The following SH2B3 variants were observed in gnomAD, a reference collection of about 807,000 sequenced individuals.
SH2B3 encodes SH2B adaptor protein 3, also known as SH2B adapter protein 3.
A neutral mutation model predicts 51.9 loss-of-function variants in SH2B3; 43 were observed. The observed-to-expected ratio is 0.83, with a 90% CI of 0.65 to 1.07. The LOEUF is 1.07. SH2B3 is among the 50% of genes least tolerant of loss of function. The pLI is 0.00. For synonymous variants in SH2B3, 396 were observed against 376.0 expected, an observed-to-expected ratio of 1.05 and a Z score of -0.62; for missense variants, 952 against 834.3, an observed-to-expected ratio of 1.14 and a Z score of -1.74.
chr12:111,444,225 G>A (rs1873706377), intron 2 of SH2B3: 1 of 152,184 alleles, frequency 6.6e-6, no homozygotes, highest in African/African-American at 2.4e-5. Flanking sequence ...AAAAACCCTA[G>A]AGGATAAAAG....
Position 111,434,888 on chromosome 12 carries a change from G to T in SH2B3, c.733-11865G>T. The T allele has an allele frequency of 2.6e-6, 4 of 1,535,672 alleles. No individual in the cohort carries two copies. In the South Asian group the frequency reaches 4.8e-5, roughly 18 times the overall value. On this transcript the variant is annotated intron_variant, in intron 2 of 7. Coordinates refer to ENST00000341259, the MANE Select transcript of SH2B3 (RefSeq NM_005475.3). ...TAGTAATGAGAGTCCGTGCCGGGTGGAGCTCAGAAGGACATGGGATTCCCG... is the reference window on the plus strand; with the variant it reads ...TAGTAATGAGAGTCCGTGCCGGGTGTAGCTCAGAAGGACATGGGATTCCCG...
chr12:111,431,673 C>A (rs1872505453), intron 2 of SH2B3, among the ~76,000 whole-genome samples: 1 of 152,148 alleles, frequency 6.6e-6, no homozygotes, highest in African/African-American at 2.4e-5. Context: ...CCTCAACCTC[C>A]TGGGCTCAAG....
intron 2 of SH2B3, among the ~76,000 whole-genome samples, chr12:111,428,175 G>A (rs1346619347): frequency 2.0e-5 from 3 of 152,260 alleles, no homozygotes; most frequent in African/African-American, 7.2e-5. Flanking sequence ...CCGAGGCCTG[G>A]AGGGGGCTGG....
chr12:111,408,488 C>T (rs1302749938), intron 1 of SH2B3, among the ~76,000 whole-genome samples: 1 of 151,424 alleles, frequency 6.6e-6, no homozygotes, highest in South Asian at 2.1e-4. Flanking sequence ...TCAGATCCCA[C>T]AGGACTGCTG....
chr12:111,425,077 C>T (rs1316579076), intron 2 of SH2B3, among the ~76,000 whole-genome samples: 1 of 152,104 alleles, frequency 6.6e-6, no homozygotes, highest in Non-Finnish European at 1.5e-5. Flanking sequence ...TGGGCTCAGC[C>T]CACAGGTGAG....
At chr12:111,433,762 TTTTTGTTTTG>T (rs1043752706) in intron 2 of SH2B3, among the ~76,000 whole-genome samples, 5 of 152,066 alleles carry the variant, frequency 3.3e-5, no homozygotes, top group Admixed American at 2.0e-4. Context: ...GTGATGTGGT[TTTTTGTTTTG>T]TTTTGTTTTG....
intron 2 of SH2B3, among the ~76,000 whole-genome samples, chr12:111,428,527 C>T (rs924493050): frequency 6.6e-6 from 1 of 152,310 alleles, no homozygotes; most frequent in Admixed American, 6.5e-5. Context: ...ACTGATAGGG[C>T]AGGTGAGGGG....
rs1479468812 is a variant in SH2B3, at chr12:111,449,363, G to A, written c.*1061G>A. On this transcript the variant is annotated 3_prime_UTR_variant, in exon 8 of 8. Coordinates refer to ENST00000341259, the MANE Select transcript of SH2B3 (RefSeq NM_005475.3). ...GGCTTATTAAATTATCCCACAAGTG[G>A]GTTTTAGGCTCCTTTTTTGAGCCAA... 6.6e-6 allele frequency: 1 copy of A among 152,114 alleles called. No homozygotes were observed. Among genetic ancestry groups the A allele is most frequent in the African/African-American group, 2.4e-5 (1 of 41,404 alleles). 9.4% of individuals were successfully genotyped at this position (152,114 alleles called of 1,614,324 possible).
In SH2B3 at chr12:111,446,995, T is replaced by G; in HGVS notation, c.888T>G (p.Asn296Lys). Residue 296 changes from asparagine (N) to lysine (K), a missense_variant, in exon 4 of 8, where the codon AAT (asparagine) becomes AAG (lysine). By Grantham distance (94) the Asn-to-Lys change is moderately conservative. Coordinates refer to ENST00000341259, the MANE Select transcript of SH2B3 (RefSeq NM_005475.3). Reference protein sequence around the residue: ...IFEVGDEQQLNSWMAELSECT... With the variant: ...IFEVGDEQQLKSWMAELSECT... ...AGGTGGGAGACGAGCAGCAGCTGAA[T>G]TCATGGATGGCTGAGCTCTCGGAGT... 1 of 1,614,030 alleles carries G rather than the reference T, an allele frequency of 6.2e-7. No individual in the cohort carries two copies. The highest frequency in any genetic ancestry group is 2.2e-5 in the East Asian group (1 of 44,866).
chr12:111,418,531 C>T lies in SH2B3; in HGVS notation c.386C>T (p.Pro129Leu), dbSNP rs766405916. The change falls in exon 2 of 8, where the codon CCG becomes CTG. Residue 129 changes from proline (P) to leucine (L), a missense_variant. Coordinates refer to ENST00000341259, the MANE Select transcript of SH2B3 (RefSeq NM_005475.3). This position sits in a 1 kb window ranked among gnomAD's most constrained non-coding sequence, Gnocchi z 6.7. ...TCTGAGGAGCTGGCCCCGCCGCGGCCGCCCGGGCCCTGCTCCTTCCAGCAC... is the reference window on the plus strand; with the variant it reads ...TCTGAGGAGCTGGCCCCGCCGCGGCTGCCCGGGCCCTGCTCCTTCCAGCAC... ...RSSEELAPPR[P>L]PGPCSFQHFR... The T allele has an allele frequency of 3.6e-6, 5 of 1,407,074 alleles. No homozygotes were observed. Among genetic ancestry groups the T allele is most frequent in the South Asian group, 2.8e-5 (2 of 72,448 alleles). 87.2% of individuals were successfully genotyped at this position (1,407,074 alleles called of 1,614,324 possible).
At chr12:111,444,755 T>G (rs951770168) in intron 2 of SH2B3, 4 of 985,424 alleles carry the variant, frequency 4.1e-6, no homozygotes, top group Admixed American at 1.2e-4. Flanking sequence ...GAGCCTGAGC[T>G]GTCCAGGCTG....
Position 111,418,988 on chromosome 12 carries a change from G to C in SH2B3, c.732+111G>C. 2.8e-6 allele frequency: 3 copies of C among 1,060,602 alleles called. No individual in the cohort carries two copies. The highest frequency in any genetic ancestry group is 3.7e-6 in the Non-Finnish European group (3 of 801,616). 65.7% of individuals were successfully genotyped at this position (1,060,602 alleles called of 1,614,324 possible). A position where few individuals can be genotyped will look rare whatever the true frequency, so the allele number is the denominator to read the frequency against. ...TGGCTTTCCAGCTGGTGGCCACAGA[G>C]TGTCCAGAGGGAACTAGGCCCTCTT... On this transcript the variant is annotated intron_variant, in intron 2 of 7. Coordinates refer to ENST00000341259, the MANE Select transcript of SH2B3 (RefSeq NM_005475.3). This position sits in a 1 kb window ranked among gnomAD's most constrained non-coding sequence, Gnocchi z 6.7.
In SH2B3 at chr12:111,447,765, A is replaced by T; in HGVS notation, c.1346A>T (p.Glu449Val). 2 of 1,614,068 alleles carry T rather than the reference A, an allele frequency of 1.2e-6. No homozygotes were observed. The highest frequency in any genetic ancestry group is 1.7e-6 in the Non-Finnish European group (2 of 1,180,006). The part of the protein sequence containing the change: ...HHFQRSPIPL[E>V]CGAACDVRLS... The stretch of plus-strand genomic sequence containing the variant: ...TTCCAGCGCTCGCCCATCCCACTCG[A>T]GTGCGGCGCCGCCTGTGATGTCCGG... The change falls in exon 7 of 8, where the codon GAG (glutamate) becomes GTG (valine). Residue 449 changes from glutamate to valine, a missense_variant. By Grantham distance (121) the Glu-to-Val change is moderately radical (BLOSUM62 -2). Transcript: ENST00000341259.
At position 111,450,518 on chromosome 12, in the gene SH2B3, T is replaced by TA; in HGVS notation, c.*2219dup. 1 of 152,346 alleles carries TA rather than the reference T, an allele frequency of 6.6e-6. No homozygotes were observed. Among genetic ancestry groups the TA allele is most frequent in the African/African-American group, 2.4e-5 (1 of 41,568 alleles). 9.4% of individuals were successfully genotyped at this position (152,346 alleles called of 1,614,324 possible). A position where few individuals can be genotyped will look rare whatever the true frequency, so the allele number is the denominator to read the frequency against. On this transcript the variant is annotated 3_prime_UTR_variant, in exon 8 of 8. Coordinates refer to ENST00000341259, the MANE Select transcript of SH2B3 (RefSeq NM_005475.3). ...AAGTTCCCTCCCTCCAGCCAGAAGTTAAACATCTGGGATATGACGTCTTCA... is the reference window on the plus strand; with the variant it reads ...AAGTTCCCTCCCTCCAGCCAGAAGTTAAAACATCTGGGATATGACGTCTTCA...
Position 111,447,985 on chromosome 12 carries a change from T to C in SH2B3, c.1411T>C (p.Ser471Pro). Reference protein sequence around the residue: ...YVVVVSQPPGSCNTVLFPFSL... With the variant: ...YVVVVSQPPGPCNTVLFPFSL... ...TCTCTCTTGGTCACTTGTCCTAGGT[T>C]CCTGCAACACGGTCCTCTTCCCTTT... Residue 471 changes from serine to proline, a missense_variant and splice_region_variant, in exon 8 of 8, where the codon TCC (serine) becomes CCC (proline). By Grantham distance (74) the Ser-to-Pro change is moderately conservative. Transcript: ENST00000341259. The C allele has an allele frequency of 6.2e-7, 1 of 1,604,540 alleles. No individual in the cohort carries two copies. Among genetic ancestry groups the C allele is most frequent in the Non-Finnish European group, 8.5e-7 (1 of 1,174,008 alleles).
chr12:111,414,600 A>AG (rs1018358890), intron 1 of SH2B3, among the ~76,000 whole-genome samples: 1 of 152,022 alleles, frequency 6.6e-6, no homozygotes, highest in Non-Finnish European at 1.5e-5. Flanking sequence ...AAAAAAAAAA[A>AG]AAAACATTGT....
At chr12:111,432,984 T>A (rs1872603830) in intron 2 of SH2B3, among the ~76,000 whole-genome samples, 1 of 152,380 alleles carries the variant, frequency 6.6e-6, no homozygotes, top group East Asian at 1.9e-4. Context: ...CAAGTTTTTG[T>A]GTGGATCTGT....
At chr12:111,427,503 C>A (rs994365350) in intron 2 of SH2B3, among the ~76,000 whole-genome samples, 1 of 151,486 alleles carries the variant, frequency 6.6e-6, no homozygotes, top group South Asian at 2.1e-4. Context: ...TAGAGCCTGA[C>A]GGGGAGGCGA....
chr12:111,420,886 C>T (rs991348299), intron 2 of SH2B3, among the ~76,000 whole-genome samples: 3 of 152,172 alleles, frequency 2.0e-5, no homozygotes, highest in African/African-American at 2.4e-5. Flanking sequence ...ATCCAAGAAT[C>T]CTTTGAAGTA....
Sources: allele counts gnomAD v4.1 joint callset (sites outside exome capture counted in the v4.1 genomes callset), GRCh38; gene constraint gnomAD v4.1.1; non-coding constraint Gnocchi (gnomAD v3.1); transcripts MANE v1.5; gene names NCBI Gene and HGNC (gene_info 2026-07-23, HGNC 2026-07-21).